Variants in SGCD observed in about 807,000 individuals in gnomAD.
SGCD encodes delta-sarcoglycan.
Under a neutral mutation model 36.6 loss-of-function variants are expected in SGCD, and 18 were observed. The ratio of observed to expected loss-of-function variants is 0.49; its 90% confidence interval spans 0.34 to 0.73. The LOEUF is 0.73. Ranked by LOEUF, SGCD falls within the 30% of genes least tolerant of loss-of-function variation. The pLI, the probability that SGCD is intolerant of heterozygous loss-of-function variation, is 0.01. For missense variants in SGCD, 387 were observed against 346.7 expected (o/e 1.12, Z -0.92); for synonymous variants, 133 against 130.6 (o/e 1.02, Z -0.12).
intron 1 of SGCD, among the ~76,000 whole-genome samples, chr5:155,961,358 GA>G: frequency 6.6e-6 from 1 of 151,966 alleles, no homozygotes; most frequent in East Asian, 1.9e-4. Flanking sequence ...CTTGGCTGAT[GA>G]GTATTTACAT....
chr5:156,125,012 T>C (rs1762137252), intron 3 of SGCD, among the ~76,000 whole-genome samples: 1 of 152,176 alleles, frequency 6.6e-6, no homozygotes. Flanking sequence ...TAAGTCTCTG[T>C]GCTCACTGTA....
At position 155,995,210 on chromosome 5, in the gene SGCD, T is replaced by A. The variant is rs577587732; in HGVS notation, c.-281-122668T>A. 4.6e-5 allele frequency among the ~76,000 whole-genome samples: 7 copies of A among 152,130 alleles called. No homozygotes were observed. The South Asian group carries it at 1.5e-3, about 32-fold the overall frequency. The stretch of plus-strand genomic sequence containing the variant: ...AAAAGGACTTAAAAATGCCCCCTTA[T>A]CTCTACAAGAGGAGGTCCAGAGCAC... On this transcript the variant is annotated intron_variant, in intron 1 of 9. Transcript: ENST00000517913.
chr5:155,764,280 A>G, the SGCD span, among the ~76,000 whole-genome samples: 1 of 152,184 alleles, frequency 6.6e-6, no homozygotes, highest in Non-Finnish European at 1.5e-5. Flanking sequence ...GTAGTTAGCC[A>G]GTACTCCTTA....
chr5:156,384,240 T>C (rs953999620), intron 3 of SGCD, among the ~76,000 whole-genome samples: 30 of 152,346 alleles, frequency 2.0e-4, no homozygotes, highest in Non-Finnish European at 4.3e-4. Context: ...TCTGTCTTCC[T>C]ACTTCGTTAG....
chr5:156,164,306 A>G (rs2311452), intron 3 of SGCD, among the ~76,000 whole-genome samples: 94,639 of 149,978 alleles, frequency 0.63, 30,616 homozygotes, highest in East Asian at 0.94. Context: ...GGTTGATTGC[A>G]TTGAAAATTC....
At chr5:156,444,860 G>A (rs1190628846) in intron 3 of SGCD, among the ~76,000 whole-genome samples, 1 of 152,118 alleles carries the variant, frequency 6.6e-6, no homozygotes, top group Non-Finnish European at 1.5e-5. Context: ...TGCTCCATGT[G>A]TTTTTACAAG....
chr5:156,393,262 G>A (rs17053531), intron 3 of SGCD, among the ~76,000 whole-genome samples: 24,136 of 152,156 alleles, frequency 0.16, 2,077 homozygotes, highest in South Asian at 0.25. Flanking sequence ...AATGTTAGGG[G>A]TATTTATTTT....
At chr5:156,644,408 T>C (rs1211595269) in intron 6 of SGCD, among the ~76,000 whole-genome samples, 1 of 152,146 alleles carries the variant, frequency 6.6e-6, no homozygotes, top group East Asian at 1.9e-4. Context: ...TTTAAAGAAT[T>C]ACGCGTTTTT....
intron 3 of SGCD, among the ~76,000 whole-genome samples, chr5:156,197,385 G>T (rs1169210669): frequency 1.3e-5 from 2 of 151,022 alleles, no homozygotes; most frequent in African/African-American, 4.9e-5. Flanking sequence ...GGACTCTCTT[G>T]GTTAATTTTT....
intron 3 of SGCD, among the ~76,000 whole-genome samples, chr5:156,211,296 A>C (rs1165689757): frequency 2.6e-5 from 4 of 152,176 alleles, no homozygotes; most frequent in African/African-American, 9.7e-5. Flanking sequence ...TCTTAGAAGA[A>C]AGGCTAAAGA....
chr5:156,478,257 C>T (rs981900309), intron 3 of SGCD, among the ~76,000 whole-genome samples: 4 of 152,150 alleles, frequency 2.6e-5, no homozygotes, highest in Admixed American at 6.5e-5. Flanking sequence ...ATCAGAAATT[C>T]GAGTGGGCTC....
At chr5:156,163,893 C>T (rs932559326) in intron 3 of SGCD, among the ~76,000 whole-genome samples, 6 of 150,094 alleles carry the variant, frequency 4.0e-5, no homozygotes, top group Admixed American at 2.0e-4. Context: ...CGTGGTGGCA[C>T]GCGCCTGTAG....
intron 1 of SGCD, among the ~76,000 whole-genome samples, chr5:155,987,846 T>A (rs1355549428): frequency 6.6e-6 from 1 of 152,176 alleles, no homozygotes; most frequent in Non-Finnish European, 1.5e-5. Context: ...TCCCCCACAC[T>A]ACACCCTTCC....
intron 1 of SGCD, among the ~76,000 whole-genome samples, chr5:156,100,522 G>C (rs1761495843): frequency 6.6e-6 from 1 of 152,052 alleles, no homozygotes; most frequent in Non-Finnish European, 1.5e-5. Context: ...ATTTCTTATA[G>C]GAGCTCTTCC....
intron 3 of SGCD, among the ~76,000 whole-genome samples, chr5:156,501,841 G>A (rs1471249647): frequency 6.6e-6 from 1 of 152,134 alleles, no homozygotes; most frequent in Non-Finnish European, 1.5e-5. Flanking sequence ...TCCTCCTTCT[G>A]TCTTAGATGT....
At chr5:156,753,675 C>G (rs1757234628) in intron 7 of SGCD, among the ~76,000 whole-genome samples, 1 of 152,166 alleles carries the variant, frequency 6.6e-6, no homozygotes, top group African/African-American at 2.4e-5. Context: ...AAGCAAGGAA[C>G]CTTCTTCACA....
intron 7 of SGCD, among the ~76,000 whole-genome samples, chr5:156,687,076 A>G (rs1262919214): frequency 6.6e-6 from 1 of 152,142 alleles, no homozygotes; most frequent in Non-Finnish European, 1.5e-5. Context: ...CAATGCTACA[A>G]TCTCCTGGGA....
At chr5:156,017,573 G>A (rs1271668806) in intron 1 of SGCD, among the ~76,000 whole-genome samples, 1 of 151,756 alleles carries the variant, frequency 6.6e-6, no homozygotes, top group Non-Finnish European at 1.5e-5. Context: ...ATTATAGTTA[G>A]AAGACTTTAT....
intron 1 of SGCD, among the ~76,000 whole-genome samples, chr5:155,872,336 G>C (rs1755671173): frequency 6.8e-6 from 1 of 147,256 alleles, no homozygotes; most frequent in South Asian, 2.1e-4. Flanking sequence ...CAATTCAAGT[G>C]TTGTCTTCTC....
Sources: allele counts gnomAD v4.1 joint callset (sites outside exome capture counted in the v4.1 genomes callset), GRCh38; gene constraint gnomAD v4.1.1; transcripts MANE v1.5; gene names NCBI Gene and HGNC (gene_info 2026-07-23, HGNC 2026-07-21).